NEGR1: variants seen among roughly 807,000 people sequenced by gnomAD.
NEGR1 encodes the protein neuronal growth regulator 1.
Under a neutral mutation model 40.9 loss-of-function variants are expected in NEGR1, and 10 were observed. The observed-to-expected ratio is 0.24, with a 90% confidence interval of 0.15 to 0.42. The LOEUF is 0.42. NEGR1 is among the 10% of genes least tolerant of loss of function. The pLI, the probability that NEGR1 is intolerant of heterozygous loss-of-function variation, is 1.00. For synonymous variants in NEGR1, 185 were observed against 166.8 expected, an observed-to-expected ratio of 1.11 and a Z score of -0.84; for missense variants, 352 against 438.9, an observed-to-expected ratio of 0.80 and a Z score of 1.77.
chr1:71,776,149 A>G, intron 3 of NEGR1, 23 bp downstream of exon 3: 1 of 1,598,854 alleles, frequency 6.3e-7, no homozygotes, highest in South Asian at 1.1e-5. Flanking sequence ...AGCACAAACA[A>G]CACTAATGCA....
chr1:72,175,692 A>G (rs1358499056), intron 1 of NEGR1, among the ~76,000 whole-genome samples: 1 of 152,072 alleles, frequency 6.6e-6, no homozygotes, highest in Non-Finnish European at 1.5e-5. Context: ...ATTAAAAAAA[A>G]AACACATGTG....
At chr1:71,978,185 C>T (rs1452172199) in intron 1 of NEGR1, among the ~76,000 whole-genome samples, 1 of 152,020 alleles carries the variant, frequency 6.6e-6, no homozygotes, top group African/African-American at 2.4e-5. Flanking sequence ...GCCATGCTAA[C>T]CCCATCAGTT....
At chr1:72,159,518 G>C (rs915940874) in intron 1 of NEGR1, among the ~76,000 whole-genome samples, 4 of 152,010 alleles carry the variant, frequency 2.6e-5, no homozygotes, top group African/African-American at 9.7e-5. Flanking sequence ...TCAGTAAAGA[G>C]GAAAATCACT....
intron 6 of NEGR1, among the ~76,000 whole-genome samples, chr1:71,457,453 A>T (rs921982108): frequency 8.5e-5 from 13 of 152,188 alleles, no homozygotes; most frequent in African/African-American, 3.1e-4. Flanking sequence ...TAATTCTTTC[A>T]GTCATTCATC....
chr1:72,179,323 C>T (rs1404087287), intron 1 of NEGR1, among the ~76,000 whole-genome samples: 2 of 151,858 alleles, frequency 1.3e-5, no homozygotes, highest in Admixed American at 1.3e-4. Flanking sequence ...AGGTGTGCAG[C>T]TTTATTTCTG....
chr1:71,846,110 T>C (rs1375498069), intron 2 of NEGR1, among the ~76,000 whole-genome samples: 1 of 151,936 alleles, frequency 6.6e-6, no homozygotes, highest in African/African-American at 2.4e-5. Context: ...GCCTCTGTTA[T>C]TCTCTCTCCT....
chr1:72,025,738 C>G (rs1569843623), intron 1 of NEGR1, among the ~76,000 whole-genome samples: 3 of 152,290 alleles, frequency 2.0e-5, no homozygotes, highest in African/African-American at 4.8e-5. Context: ...TGATGAGAGA[C>G]AGAGTAATTT....
At chr1:71,791,287 A>G (rs1570351269) in intron 2 of NEGR1, among the ~76,000 whole-genome samples, 1 of 152,192 alleles carries the variant, frequency 6.6e-6, no homozygotes, top group East Asian at 1.9e-4. Context: ...TAAAAACTCA[A>G]AATGTATCAC....
chr1:72,067,281 G>C (rs1647299104), intron 1 of NEGR1, among the ~76,000 whole-genome samples: 1 of 152,036 alleles, frequency 6.6e-6, no homozygotes, highest in African/African-American at 2.4e-5. Context: ...AACAGTGTCT[G>C]TATATGTTCA....
intron 1 of NEGR1, among the ~76,000 whole-genome samples, chr1:72,176,877 C>T (rs914508244): frequency 3.3e-5 from 5 of 151,828 alleles, no homozygotes; most frequent in African/African-American, 9.7e-5. Context: ...TTAGTGGCTA[C>T]AAAATAGGAG....
chr1:71,425,446 A>T (rs1646422859), intron 6 of NEGR1, among the ~76,000 whole-genome samples: 1 of 152,198 alleles, frequency 6.6e-6, no homozygotes, highest in Non-Finnish European at 1.5e-5. Flanking sequence ...TAAAAACAAC[A>T]AAAACAAATG....
intron 2 of NEGR1, among the ~76,000 whole-genome samples, chr1:71,835,652 A>T (rs1244719396): frequency 6.6e-6 from 1 of 152,106 alleles, no homozygotes; most frequent in African/African-American, 2.4e-5. Flanking sequence ...TTGCTTTTGC[A>T]AATTTCTTGA....
intron 1 of NEGR1, among the ~76,000 whole-genome samples, chr1:72,259,344 T>C (rs943173686): frequency 6.6e-6 from 1 of 152,126 alleles, no homozygotes; most frequent in Non-Finnish European, 1.5e-5. Flanking sequence ...AGTATGAGTC[T>C]AGGTGCCATC....
intron 4 of NEGR1, among the ~76,000 whole-genome samples, chr1:71,678,372 A>C (rs1217367223): frequency 6.6e-6 from 1 of 152,206 alleles, no homozygotes; most frequent in Non-Finnish European, 1.5e-5. Flanking sequence ...CTGTTTTGTC[A>C]GTTAATTATA....
intron 1 of NEGR1, among the ~76,000 whole-genome samples, chr1:72,151,516 G>T (rs565458166): frequency 1.3e-5 from 2 of 151,476 alleles, no homozygotes; most frequent in African/African-American, 4.8e-5. Context: ...ACATATACAT[G>T]ATAATCAATA....
chr1:72,155,194 C>G (rs182130778), intron 1 of NEGR1, among the ~76,000 whole-genome samples: 1 of 151,952 alleles, frequency 6.6e-6, no homozygotes, highest in African/African-American at 2.4e-5. Context: ...AAAACCACTA[C>G]GACTTTTATC....
chr1:71,644,052 T>C (rs1651445778), intron 4 of NEGR1, among the ~76,000 whole-genome samples: 1 of 151,962 alleles, frequency 6.6e-6, no homozygotes, highest in South Asian at 2.1e-4. Context: ...GATCTGGTAA[T>C]GGACAGGTCC....
chr1:72,092,669 G>GAGGC (rs540966438), intron 1 of NEGR1, among the ~76,000 whole-genome samples: 48 of 151,680 alleles, frequency 3.2e-4, no homozygotes, highest in African/African-American at 1.0e-3. Flanking sequence ...TTTTTCTTTT[G>GAGGC]AGGCAGGGTC....
chr1:71,542,141 G>A (rs892744271), intron 6 of NEGR1, among the ~76,000 whole-genome samples: 4 of 151,652 alleles, frequency 2.6e-5, no homozygotes, highest in Admixed American at 2.0e-4. Flanking sequence ...ATAAGTCCAA[G>A]GTACTTCTAT....
Sources: allele counts gnomAD v4.1 joint callset (sites outside exome capture counted in the v4.1 genomes callset), GRCh38; gene constraint gnomAD v4.1.1; transcripts MANE v1.5; gene names NCBI Gene and HGNC (gene_info 2026-07-23, HGNC 2026-07-21).